PRDM9: variants seen among roughly 807,000 people sequenced by gnomAD.
The protein encoded by PRDM9 is PR/SET domain 9.
Under a neutral mutation model 55.6 loss-of-function variants are expected in PRDM9, and 47 were observed. That is an observed-to-expected ratio of 0.85 (90% confidence interval 0.67 to 1.08). The LOEUF is 1.08. PRDM9 is among the 50% of genes least tolerant of loss of function. PRDM9 has a pLI of 0.00. For missense variants in PRDM9, 867 were observed against 1,040.3 expected (o/e 0.83, Z 2.29); for synonymous variants, 312 against 375.7 (o/e 0.83, Z 1.96).
At chr5:23,508,623 T>C (rs981743099) in intron 1 of PRDM9, among the ~76,000 whole-genome samples, 11 of 152,146 alleles carry the variant, frequency 7.2e-5, no homozygotes, top group African/African-American at 2.7e-4. Flanking sequence ...CAAGGTCTCC[T>C]TGGGACTCCT....
Position 23,528,015 on chromosome 5 carries a change from T to A in PRDM9, c.*242T>A, listed in dbSNP as rs1739517462. On this transcript the variant is annotated 3_prime_UTR_variant, in exon 11 of 11. Transcript: ENST00000296682. ...GGGGACATCAGCATGTGTGGTTCTT[T>A]CCCGCACTGATCCCCTCCATTTTTT... 1 of 623,680 alleles carries A rather than the reference T, an allele frequency of 1.6e-6. No individual in the cohort carries two copies. Among genetic ancestry groups the A allele is most frequent in the South Asian group, 2.0e-5 (1 of 50,344 alleles). 38.6% of individuals were successfully genotyped at this position (623,680 alleles called of 1,614,324 possible). A position where few individuals can be genotyped will look rare whatever the true frequency, so the allele number is the denominator to read the frequency against.
Position 23,509,092 on chromosome 5 carries a change from G to C in PRDM9, c.59G>C (p.Arg20Pro). 1 of 1,614,080 alleles carries C rather than the reference G, an allele frequency of 6.2e-7. No individual in the cohort carries two copies. The highest frequency in any genetic ancestry group is 8.5e-7 in the Non-Finnish European group (1 of 1,179,986). Residue 20 changes from arginine to proline, a missense_variant, in exon 2 of 11, where the codon CGG becomes CCG. Physicochemically the swap from Arg to Pro is moderately radical, Grantham distance 103. This residue lies in a region of PRDM9 where 662 missense variants were observed against 711.9 expected (regional missense o/e 0.93). Coordinates refer to ENST00000296682, the MANE Select transcript of PRDM9 (RefSeq NM_020227.4). ...SPEEDTERTE[R>P]KPMVKDAFKD... Reference sequence around the variant, plus strand: ...GAAGAAGACACAGAGAGAACAGAGCGGAAGCCCATGGTGAGAAGTGGAGGA... The same window carrying C: ...GAAGAAGACACAGAGAGAACAGAGCCGAAGCCCATGGTGAGAAGTGGAGGA...
chr5:23,517,734 T>G, intron 4 of PRDM9, 147 bp from the exon 5 acceptor site: 1 of 757,986 alleles, frequency 1.3e-6, no homozygotes, highest in Non-Finnish European at 2.3e-6. Flanking sequence ...TTGCAGTGAG[T>G]GGAGATTGAG....
At chr5:23,520,896 T>G (rs1739314396) in intron 5 of PRDM9, 127 bp from the exon 6 acceptor site, 2 of 1,127,542 alleles carry the variant, frequency 1.8e-6, no homozygotes, top group Non-Finnish European at 2.6e-6. Flanking sequence ...CCCTCTAGTA[T>G]TTAGACACTC....
chr5:23,514,376 G>A (rs1739159347), intron 4 of PRDM9, among the ~76,000 whole-genome samples: 2 of 152,112 alleles, frequency 1.3e-5, no homozygotes, highest in South Asian at 4.1e-4. Flanking sequence ...GTGTATTTAC[G>A]TGAATTATTT....
Position 23,527,939 on chromosome 5 carries a change from C to G in PRDM9, c.*166C>G, listed in dbSNP as rs1168810723. The G allele has an allele frequency of 5.6e-6, 5 of 889,414 alleles. No homozygotes were observed. Among genetic ancestry groups the G allele is most frequent in the Non-Finnish European group, 8.8e-6 (5 of 568,582 alleles). The allele number at this position is 889,414 out of a possible 1,614,324, so 55.1% of individuals were successfully genotyped here. On this transcript the variant is annotated 3_prime_UTR_variant, in exon 11 of 11. Transcript: ENST00000296682. The stretch of plus-strand genomic sequence containing the variant: ...AATAACTGATTAAACAAATCCGCCA[C>G]TTTCATGACTAGAGATGAGGAAGAA...
chr5:23,523,226 G>A (rs1478658210), intron 8 of PRDM9, 65 bp from the exon 9 acceptor site: 2 of 1,541,702 alleles, frequency 1.3e-6, no homozygotes, highest in Non-Finnish European at 9.0e-7. Flanking sequence ...GACGACAGTG[G>A]AGTAAAATAA....
chr5:23,512,466 TGTAAGAG>T (rs1739117809), intron 4 of PRDM9, among the ~76,000 whole-genome samples: 1 of 152,154 alleles, frequency 6.6e-6, no homozygotes, highest in Admixed American at 6.6e-5. Flanking sequence ...CTAAAAATAC[TGTAAGAG>T]GTATGAAAGG....
At chr5:23,512,666 C>T (rs987177507) in intron 4 of PRDM9, among the ~76,000 whole-genome samples, 5 of 152,114 alleles carry the variant, frequency 3.3e-5, no homozygotes, top group African/African-American at 9.7e-5. Context: ...ACTCTTCTAA[C>T]AATTTTTAAG....
At chr5:23,525,189 C>G (rs1332932425) in intron 10 of PRDM9, among the ~76,000 whole-genome samples, 1 of 152,184 alleles carries the variant, frequency 6.6e-6, no homozygotes, top group Admixed American at 6.5e-5. Flanking sequence ...AGTGCAAGTG[C>G]CTGTGGGCCA....
Position 23,521,096 on chromosome 5 carries a change from C to T in PRDM9, c.425C>T (p.Ala142Val). Residue 142 changes from alanine to valine, a missense_variant, in exon 6 of 11, where the codon GCA becomes GTA. Physicochemically the swap from Ala to Val is moderately conservative, Grantham distance 64. Transcript: ENST00000296682. ...ELSRTANLLN[A>V]SGSEQAQKPV... Reference sequence around the variant, plus strand: ...TCAAGAACAGCAAATTTACTGAATGCAAGTGGCTCAGAGCAGGCTCAGAAA... The same window carrying T: ...TCAAGAACAGCAAATTTACTGAATGTAAGTGGCTCAGAGCAGGCTCAGAAA... 6.2e-7 allele frequency: 1 copy of T among 1,614,176 alleles called. No homozygotes were observed. Among genetic ancestry groups the T allele is most frequent in the Non-Finnish European group, 8.5e-7 (1 of 1,180,018 alleles).
In PRDM9 at chr5:23,527,308, G is replaced by A. The variant is rs545165633; in HGVS notation, c.2220G>A (p.Arg740=). ...SNKSHLLRHQ[R]THTGEKPYVC... is the part of the protein sequence containing the mutation. ...AGTCACACCTCCTCAGACACCAGAGGACACACACAGGGGAGAAGCCCTATG... is the reference window on the plus strand; with the variant it reads ...AGTCACACCTCCTCAGACACCAGAGAACACACACAGGGGAGAAGCCCTATG... Residue 740 remains arginine (R), a synonymous_variant, in exon 11 of 11, where the codon AGG becomes AGA. Transcript: ENST00000296682. 1 of 1,535,896 alleles carries A rather than the reference G, an allele frequency of 6.5e-7. No individual in the cohort carries two copies. Among genetic ancestry groups the A allele is most frequent in the African/African-American group, 1.8e-5 (1 of 56,822 alleles).
At chr5:23,510,352 C>T (rs1386658546) in intron 4 of PRDM9, among the ~76,000 whole-genome samples, 4 of 151,650 alleles carry the variant, frequency 2.6e-5, no homozygotes, top group Admixed American at 6.6e-5. Context: ...TGAGCCACCA[C>T]GCCTGGCCTA....
Position 23,527,667 on chromosome 5 carries a change from A to C in PRDM9, c.2579A>C (p.Tyr860Ser), listed in dbSNP as rs765522836. The change falls in exon 11 of 11, where the codon TAC (tyrosine) becomes TCC (serine). Residue 860 changes from tyrosine (Y) to serine (S), a missense_variant. Physicochemically the swap from Tyr to Ser is moderately radical, Grantham distance 144. Transcript: ENST00000296682. The stretch of plus-strand genomic sequence containing the variant: ...AGGACACACACAGGGGAGAAGCCCT[A>C]CGTCTGCAGGGAGTGTGGGCGGGGC... ...HQRTHTGEKP[Y>S]VCRECGRGFS... 2.0e-6 allele frequency: 3 copies of C among 1,519,690 alleles called. No individual in the cohort carries two copies. The highest frequency in any genetic ancestry group is 1.8e-6 in the Non-Finnish European group (2 of 1,124,998). The allele number at this position is 1,519,690 out of a possible 1,614,324, so 94.1% of individuals were successfully genotyped here.
intron 10 of PRDM9, 33 bp downstream of exon 10, chr5:23,524,560 G>A: frequency 6.2e-7 from 1 of 1,611,976 alleles, no homozygotes; most frequent in Non-Finnish European, 8.5e-7. Context: ...TAAAAGGACA[G>A]GAAAGAAAGA....
chr5:23,515,864 G>A (rs1212351948), intron 4 of PRDM9, among the ~76,000 whole-genome samples: 1 of 152,094 alleles, frequency 6.6e-6, no homozygotes, highest in Admixed American at 6.6e-5. Flanking sequence ...TGTTCCATTG[G>A]TCTATATGTC....
chr5:23,521,113 G>A lies in PRDM9; in HGVS notation c.442G>A (p.Ala148Thr), dbSNP rs776827781. 5 of 1,614,146 alleles carry A rather than the reference G, an allele frequency of 3.1e-6. No individual in the cohort carries two copies. The East Asian group carries it at 1.1e-4, about 36-fold the overall frequency. ...NLLNASGSEQAQKPVSPSGEA... is the reference protein window; with the variant it reads ...NLLNASGSEQTQKPVSPSGEA... ...ACTGAATGCAAGTGGCTCAGAGCAGGCTCAGAAACCAGTGTCCCCTTCTGG... is the reference window on the plus strand; with the variant it reads ...ACTGAATGCAAGTGGCTCAGAGCAGACTCAGAAACCAGTGTCCCCTTCTGG... Residue 148 changes from alanine (A) to threonine (T), a missense_variant, in exon 6 of 11, where the codon GCT becomes ACT. By Grantham distance (58) the Ala-to-Thr change is moderately conservative (BLOSUM62 0). Around this residue, in one of 5 missense-constraint regions of PRDM9, gnomAD observed 662 missense variants for 711.9 expected, o/e 0.93. Transcript: ENST00000296682.
At chr5:23,521,370 C>T (rs1739325425) in intron 6 of PRDM9, among the ~76,000 whole-genome samples, 191 bp downstream of exon 6, 1 of 152,182 alleles carries the variant, frequency 6.6e-6, no homozygotes, top group Admixed American at 6.5e-5. Flanking sequence ...CAGAGTCTCA[C>T]TCTGTTGCCC....
chr5:23,511,063 G>A (rs1189775530), intron 4 of PRDM9, among the ~76,000 whole-genome samples: 2 of 151,346 alleles, frequency 1.3e-5, no homozygotes, highest in Non-Finnish European at 1.5e-5. Flanking sequence ...GGCTGAGGCT[G>A]GGGAATAGCT....
Sources: allele counts gnomAD v4.1 joint callset (sites outside exome capture counted in the v4.1 genomes callset), GRCh38; gene constraint gnomAD v4.1.1; regional missense constraint gnomAD v4.1.1; transcripts MANE v1.5; gene names NCBI Gene and HGNC (gene_info 2026-07-23, HGNC 2026-07-21).